The following HS1BP3 variants were observed in gnomAD, a reference collection of about 807,000 sequenced individuals.
The protein encoded by HS1BP3 is HCLS1 binding protein 3.
HS1BP3 carries 32 observed loss-of-function variants against 33.5 expected under a neutral mutation model. That is an observed-to-expected ratio of 0.95 (90% CI 0.72 to 1.28). HS1BP3 has a LOEUF of 1.28. Ranked by LOEUF, HS1BP3 falls within the 50% of genes most tolerant of loss-of-function variation. The probability of loss-of-function intolerance (pLI) is 0.00; values close to 1 mark genes in which losing one functional copy is unlikely to be tolerated. For missense variants in HS1BP3, 486 were observed against 502.3 expected, an observed-to-expected ratio of 0.97 and a Z score of 0.31; for synonymous variants, 187 against 209.2, an observed-to-expected ratio of 0.89 and a Z score of 0.92.
chr2:20,613,001 T>C (rs554413944), downstream of HS1BP3, among the ~76,000 whole-genome samples: 9 of 152,206 alleles, frequency 5.9e-5, no homozygotes, highest in East Asian at 1.7e-3. Context: ...CAGAGCCCAA[T>C]TTAGGGTCCT....
downstream of HS1BP3, among the ~76,000 whole-genome samples, chr2:20,614,674 C>T (rs1357315533): frequency 6.6e-6 from 1 of 152,224 alleles, no homozygotes; most frequent in African/African-American, 2.4e-5. Context: ...ACATGATTGG[C>T]CAGTTGGCCT....
At chr2:20,649,238 A>C (rs1253431273) in intron 1 of HS1BP3, among the ~76,000 whole-genome samples, 2 of 150,036 alleles carry the variant, frequency 1.3e-5, no homozygotes, top group Non-Finnish European at 3.0e-5. Flanking sequence ...ATCACCTAAC[A>C]CTCTCCCTGG....
In HS1BP3 at chr2:20,623,908, T is replaced by C; in HGVS notation, c.908A>G (p.Lys303Arg). The C allele has an allele frequency of 6.2e-7, 1 of 1,612,282 alleles. No individual in the cohort carries two copies. Among genetic ancestry groups the C allele is most frequent in the Non-Finnish European group, 8.5e-7 (1 of 1,179,864 alleles). ...TPSLSHRDAS[K>R]ELFRVEEDLD... ...GGACAGGTGGTACCTGAACAGTTCCTTGGAGGCGTCCCTGTGGCTGAGGCT... is the reference window on the plus strand; with the variant it reads ...GGACAGGTGGTACCTGAACAGTTCCCTGGAGGCGTCCCTGTGGCTGAGGCT... The change falls in exon 6 of 7, where the codon AAG becomes AGG. Residue 303 changes from lysine to arginine, a missense_variant. Lys to Arg is a conservative substitution (Grantham distance 26, BLOSUM62 2). Transcript: ENST00000304031.
At chr2:20,599,883 C>T (rs1024740358) in intron 2 of HS1BP3, among the ~76,000 whole-genome samples, 4 of 152,118 alleles carry the variant, frequency 2.6e-5, no homozygotes, top group Non-Finnish European at 5.9e-5. Flanking sequence ...TCAGCCCTGC[C>T]ATCAAGTGAC....
intron 6 of HS1BP3, chr2:20,622,511 G>A (rs113347885): frequency 1.7e-4 from 62 of 363,434 alleles, no homozygotes; most frequent in African/African-American, 9.4e-4. Context: ...GCTGGCCCGC[G>A]CACTACGAGC....
rs1695486563 is a variant in HS1BP3 at position 20,645,379 on chromosome 2, C to G, written c.159G>C (p.Lys53Asn). ...ILVVTRLAAFKSAKHRPEDVV... is the reference protein window; with the variant it reads ...ILVVTRLAAFNSAKHRPEDVV... The stretch of plus-strand genomic sequence containing the variant: ...CATCCTCGGGCCTGTGCTTGGCCGA[C>G]TTGAACGCAGCCAGACGGGTCACCA... Residue 53 changes from lysine (K) to asparagine (N), a missense_variant, in exon 2 of 7, where the codon AAG (lysine) becomes AAC (asparagine). Coordinates refer to ENST00000304031, the MANE Select transcript of HS1BP3 (RefSeq NM_022460.4). 1.2e-6 allele frequency: 2 copies of G among 1,614,070 alleles called. No homozygotes were observed. Among genetic ancestry groups the G allele is most frequent in the East Asian group, 4.5e-5 (2 of 44,870 alleles).
intron 5 of HS1BP3, chr2:20,586,414 A>G (rs1395103154): frequency 1.3e-5 from 2 of 152,128 alleles, no homozygotes; most frequent in Non-Finnish European, 2.9e-5. Context: ...TCCCACCCCA[A>G]TACACCGTCC....
rs1572342803 is a variant in HS1BP3, at chr2:20,624,059, A to G, written c.785-28T>C. 8 of 1,607,374 alleles carry G rather than the reference A, an allele frequency of 5.0e-6. No homozygotes were observed. The East Asian group carries it at 1.8e-4, about 36-fold the overall frequency. On this transcript the variant is annotated intron_variant, in intron 5 of 6. Transcript: ENST00000304031. ...GTGGGAAGGCAGCAGCAGGGGGGTC[A>G]GAGGAAGCCTCTAGGCTGGGATGCC...
rs530550117 is a variant in HS1BP3, at chr2:20,626,631, G to A, written c.624-1739C>T. ...TTCAAGGGTAGTGATGGGGAGCAGA[G>A]ACGCAGTGGCAGGGACTGCTCCAAG... On this transcript the variant is annotated intron_variant, in intron 4 of 6. Coordinates refer to ENST00000304031, the MANE Select transcript of HS1BP3 (RefSeq NM_022460.4). Among the ~76,000 whole-genome samples the A allele has an allele frequency of 9.2e-5, 14 of 152,334 alleles. No homozygotes were observed. In the South Asian group the frequency reaches 1.0e-3, roughly 11 times the overall value.
At chr2:20,574,590 TG>T (rs1414966351) in intron 5 of HS1BP3, among the ~76,000 whole-genome samples, 1 of 152,102 alleles carries the variant, frequency 6.6e-6, no homozygotes. Flanking sequence ...GAATGAGTGC[TG>T]CATGGCCAGG....
At chr2:20,622,160 G>A (rs1164115009) in intron 6 of HS1BP3, 5 of 1,273,972 alleles carry the variant, frequency 3.9e-6, no homozygotes, top group East Asian at 5.7e-5. Context: ...CAGAATGAAC[G>A]AAGGGGTGAA....
At chr2:20,557,481 C>T (rs981702606), downstream of HS1BP3, among the ~76,000 whole-genome samples, 3 of 152,162 alleles carry the variant, frequency 2.0e-5, no homozygotes, top group Non-Finnish European at 4.4e-5. Flanking sequence ...CAGTATAATC[C>T]TCTTCCCATT....
At chr2:20,597,339 T>C (rs1304073060) in intron 3 of HS1BP3, among the ~76,000 whole-genome samples, 1 of 152,196 alleles carries the variant, frequency 6.6e-6, no homozygotes, top group Non-Finnish European at 1.5e-5. Flanking sequence ...TTTGTCTAAA[T>C]TTATCATTTC....
At chr2:20,584,497 C>T (rs1123781) in intron 5 of HS1BP3, among the ~76,000 whole-genome samples, 10,980 of 152,274 alleles carry the variant, frequency 0.072, 433 homozygotes, top group South Asian at 0.18. Context: ...CACCATCCCC[C>T]GCCAACTGCA....
chr2:20,556,303 G>A (rs1692839193), downstream of HS1BP3, among the ~76,000 whole-genome samples: 1 of 152,010 alleles, frequency 6.6e-6, no homozygotes, highest in Non-Finnish European at 1.5e-5. Context: ...ATAACATTAG[G>A]TAATTTGCTT....
chr2:20,638,452 G>T lies in HS1BP3; in HGVS notation c.607C>A (p.Pro203Thr), dbSNP rs1476045311. 1 of 1,614,160 alleles carries T rather than the reference G, an allele frequency of 6.2e-7. No individual in the cohort carries two copies. Among genetic ancestry groups the T allele is most frequent in the Non-Finnish European group, 8.5e-7 (1 of 1,180,020 alleles). Residue 203 changes from proline to threonine, a missense_variant, in exon 4 of 7, where the codon CCT becomes ACT. Transcript: ENST00000304031. ...ESLEEEEALD[P>T]LGIMRSKKPK... ...GAGACCAACCGCATAATGCCCAGAG[G>T]GTCCAGCGCCTCCTCCTCCTCCAAG... is the stretch of plus-strand genomic sequence containing the variant.
rs546388743 is a variant in HS1BP3 at position 20,633,560 on chromosome 2, T to C, written c.623+4876A>G. Among the ~76,000 whole-genome samples the C allele has an allele frequency of 9.1e-4, 139 of 152,338 alleles. 1 individual carries two copies. Among genetic ancestry groups the C allele is most frequent in the Non-Finnish European group, 4.4e-5 (3 of 68,030 alleles). Reference sequence around the variant, plus strand: ...TTTTGTTTTTGAGATAGAGTCTCAGTTGCCCAGGCTGGAGTGCAGTGGCAC... The same window carrying C: ...TTTTGTTTTTGAGATAGAGTCTCAGCTGCCCAGGCTGGAGTGCAGTGGCAC... On this transcript the variant is annotated intron_variant, in intron 4 of 6. Coordinates refer to ENST00000304031, the MANE Select transcript of HS1BP3 (RefSeq NM_022460.4).
intron 3 of HS1BP3, among the ~76,000 whole-genome samples, chr2:20,593,943 A>G (rs998576305): frequency 6.6e-6 from 1 of 152,222 alleles, no homozygotes; most frequent in African/African-American, 2.4e-5. Flanking sequence ...TCCCTGATGA[A>G]AACCACCACA....
intron 5 of HS1BP3, among the ~76,000 whole-genome samples, chr2:20,569,491 A>G (rs1445088659): frequency 6.6e-6 from 1 of 152,252 alleles, no homozygotes; most frequent in East Asian, 1.9e-4. Context: ...TTTTAGATGA[A>G]CAACAAATTC....
Sources: gnomAD v4.1 joint callset for allele counts (sites outside exome capture counted in the v4.1 genomes callset) on GRCh38, gnomAD v4.1.1 for gene constraint, MANE v1.5 for transcripts, NCBI Gene and HGNC (gene_info 2026-07-23, HGNC 2026-07-21) for gene names.